The following QKI variants were observed in gnomAD, a reference collection of about 807,000 sequenced individuals.
QKI encodes the protein KH domain-containing RNA-binding protein QKI.
In QKI, 10 loss-of-function variants were observed where a neutral mutation model predicts 39.0. The ratio of observed to expected loss-of-function variants is 0.26; its 90% CI spans 0.16 to 0.43. The LOEUF is 0.43. Among genes scored for constraint, QKI ranks in the 20% least tolerant of loss-of-function variants. QKI has a pLI of 1.00. For missense variants in QKI, 218 were observed against 428.0 expected (o/e 0.51, Z 4.33); for synonymous variants, 204 against 155.4 (o/e 1.31, Z -2.33).
intron 1 of QKI, chr6:163,416,241 G>A (rs962186349): frequency 1.4e-5 from 4 of 293,710 alleles, no homozygotes; most frequent in African/African-American, 8.8e-5. Context: ...TGTATGGAGC[G>A]CTGTGGGGAG....
At chr6:163,565,914 C>T in intron 6 of QKI, 5 of 1,612,762 alleles carry the variant, frequency 3.1e-6, no homozygotes, top group Non-Finnish European at 4.2e-6. Context: ...TCATTGATGA[C>T]TAATTTTTAA....
At chr6:163,442,384 C>T (rs1307521279) in intron 1 of QKI, among the ~76,000 whole-genome samples, 1 of 152,234 alleles carries the variant, frequency 6.6e-6, no homozygotes, top group South Asian at 2.1e-4. Flanking sequence ...TCTCTTTGGG[C>T]TCCTCCAATT....
chr6:163,441,676 G>A (rs1395917860), intron 1 of QKI, among the ~76,000 whole-genome samples: 3 of 152,118 alleles, frequency 2.0e-5, no homozygotes, highest in African/African-American at 4.8e-5. Flanking sequence ...GGAAGATCAA[G>A]GTTGGACTCC....
At chr6:163,553,978 AAGAC>A (rs755750999) in intron 4 of QKI, among the ~76,000 whole-genome samples, 1 of 152,172 alleles carries the variant, frequency 6.6e-6, no homozygotes, top group Non-Finnish European at 1.5e-5. Flanking sequence ...AAAAAGGAGA[AAGAC>A]AGGCTGTAAT....
chr6:163,422,043 A>T (rs1367096226), intron 1 of QKI, among the ~76,000 whole-genome samples: 8 of 151,814 alleles, frequency 5.3e-5, no homozygotes, highest in Admixed American at 5.2e-4. Context: ...AAGTGCTGGG[A>T]TTACAGGCGT....
At chr6:163,419,236 C>A (rs1787791840) in intron 1 of QKI, among the ~76,000 whole-genome samples, 1 of 151,830 alleles carries the variant, frequency 6.6e-6, no homozygotes, top group Non-Finnish European at 1.5e-5. Flanking sequence ...GCTATTTTTT[C>A]ATGTTAATGT....
At chr6:163,449,289 C>G (rs1179544364) in intron 1 of QKI, among the ~76,000 whole-genome samples, 1 of 152,122 alleles carries the variant, frequency 6.6e-6, no homozygotes, top group African/African-American at 2.4e-5. Context: ...GTTTTACTGA[C>G]AACTAAGATT....
intron 3 of QKI, among the ~76,000 whole-genome samples, chr6:163,481,561 TAAAG>T (rs1016936082): frequency 1.4e-4 from 21 of 152,342 alleles, no homozygotes; most frequent in African/African-American, 5.0e-4. Flanking sequence ...GTTGGTTAAA[TAAAG>T]AAAATTGTAA....
intron 7 of QKI, chr6:163,568,740 A>G (rs1783524261): frequency 1.0e-6 from 1 of 985,374 alleles, no homozygotes; most frequent in East Asian, 1.1e-4. Context: ...ATGAACGTTT[A>G]GAGTACTACA....
At chr6:163,515,967 T>G (rs549064021) in intron 3 of QKI, among the ~76,000 whole-genome samples, 7 of 151,836 alleles carry the variant, frequency 4.6e-5, no homozygotes, top group Non-Finnish European at 5.9e-5. Flanking sequence ...CACCTCATTG[T>G]GATGTAATCT....
At chr6:163,455,124 G>A in intron 1 of QKI, 155 bp from the exon 2 acceptor site, 1 of 518,042 alleles carries the variant, frequency 1.9e-6, no homozygotes, top group Non-Finnish European at 3.3e-6. Flanking sequence ...GTTTAAACAT[G>A]GGCTTAATCC....
At chr6:163,480,461 C>T (rs939241245) in intron 3 of QKI, among the ~76,000 whole-genome samples, 6 of 152,176 alleles carry the variant, frequency 3.9e-5, no homozygotes, top group Non-Finnish European at 8.8e-5. Flanking sequence ...CTTTTAAGCC[C>T]TCACATAAGC....
chr6:163,473,774 C>T (rs753130892), intron 2 of QKI, among the ~76,000 whole-genome samples: 10 of 152,054 alleles, frequency 6.6e-5, no homozygotes, highest in African/African-American at 1.9e-4. Flanking sequence ...GAAATAACAG[C>T]CATATACAAG....
chr6:163,524,236 TTG>T (rs775995955), intron 3 of QKI, among the ~76,000 whole-genome samples: 1 of 152,164 alleles, frequency 6.6e-6, no homozygotes, highest in Non-Finnish European at 1.5e-5. Flanking sequence ...AAGATTACAG[TTG>T]TGTCTTTATT....
At chr6:163,542,522 A>G (rs1343898511) in intron 4 of QKI, among the ~76,000 whole-genome samples, 63 of 152,092 alleles carry the variant, frequency 4.1e-4, no homozygotes, top group Admixed American at 4.1e-3. Flanking sequence ...TTGGGGAGAT[A>G]GAGTACTAAG....
chr6:163,543,228 G>A (rs1278816042), intron 4 of QKI, among the ~76,000 whole-genome samples: 2 of 152,008 alleles, frequency 1.3e-5, no homozygotes, highest in Non-Finnish European at 2.9e-5. Context: ...ATCAAATATT[G>A]ATCATTGAAA....
At chr6:163,547,970 A>T in intron 4 of QKI, among the ~76,000 whole-genome samples, 1 of 152,164 alleles carries the variant, frequency 6.6e-6, no homozygotes, top group South Asian at 2.1e-4. Context: ...ACATGTGCCT[A>T]CTTTTCCAAC....
Position 163,561,967 on chromosome 6 carries a change from GT to G in QKI, c.547-11del, listed in dbSNP as rs758934740. The G allele has an allele frequency of 1.2e-6, 2 of 1,606,736 alleles. No individual in the cohort carries two copies. Among genetic ancestry groups the G allele is most frequent in the Non-Finnish European group, 1.7e-6 (2 of 1,176,134 alleles). Reference sequence around the variant, plus strand: ...AGTCTCAAATGCTTTCATCTCATGTGTTTTCCATGTATAGGCAGAAGGAGAA... The same window carrying G: ...AGTCTCAAATGCTTTCATCTCATGTGTTTCCATGTATAGGCAGAAGGAGAA... On this transcript the variant is annotated splice_polypyrimidine_tract_variant and intron_variant, in intron 4 of 7. Transcript: ENST00000361752.
intron 3 of QKI, among the ~76,000 whole-genome samples, chr6:163,500,955 A>G (rs1186111936): frequency 6.6e-6 from 1 of 152,152 alleles, no homozygotes; most frequent in African/African-American, 2.4e-5. Flanking sequence ...GTGATTCTCC[A>G]TAGTAACACC....
Sources: gnomAD v4.1 joint callset for allele counts (sites outside exome capture counted in the v4.1 genomes callset) on GRCh38, gnomAD v4.1.1 for gene constraint, MANE v1.5 for transcripts, NCBI Gene and HGNC (gene_info 2026-07-23, HGNC 2026-07-21) for gene names.